The following DMBT1 variants were observed in gnomAD, a reference collection of about 807,000 sequenced individuals.
DMBT1 encodes deleted in malignant brain tumors 1, also known as scavenger receptor cysteine-rich domain-containing protein DMBT1.
Under a neutral mutation model 252.9 loss-of-function variants are expected in DMBT1, and 198 were observed. That is an observed-to-expected ratio of 0.78 (90% CI 0.70 to 0.88). The LOEUF is 0.88. Ranked by LOEUF, DMBT1 falls within the 40% of genes least tolerant of loss-of-function variation. DMBT1 has a pLI of 0.00. For missense variants in DMBT1, 2,432 were observed against 2,404.7 expected (o/e 1.01, Z -0.24); for synonymous variants, 990 against 942.7 (o/e 1.05, Z -0.92).
At position 122,589,187 on chromosome 10, in the gene DMBT1, C is replaced by T. The variant is rs202084523; in HGVS notation, c.2027C>T (p.Ser676Phe). The T allele has an allele frequency of 9.4e-4, 1,486 of 1,588,394 alleles. 218 individuals carry two copies. Among genetic ancestry groups the T allele is most frequent in the South Asian group, 9.2e-3 (801 of 86,904 alleles). Residue 676 changes from serine to phenylalanine, a missense_variant, in exon 17 of 56, where the codon TCC becomes TTC. Around this residue, in one of 3 missense-constraint regions of DMBT1, gnomAD observed 1,264 missense variants for 1,082.2 expected, o/e 1.17. Transcript: ENST00000338354. ...LDDVRCSGHESYLWSCPNNGW... is the reference protein window; with the variant it reads ...LDDVRCSGHEFYLWSCPNNGW... ...GATGTGCGCTGCTCAGGACATGAGT[C>T]CTACCTGTGGAGCTGCCCCAACAAT...
Position 122,588,243 on chromosome 10 carries a change from G to A in DMBT1, c.1784-701G>A, listed in dbSNP as rs1263550028. Among the ~76,000 whole-genome samples the A allele has an allele frequency of 6.8e-5, 10 of 147,988 alleles. 2 individuals carry two copies. On this transcript the variant is annotated intron_variant, in intron 16 of 55. Transcript: ENST00000338354. ...TTTTTTCTGAAAATGAGAGGATGAG[G>A]GTCAGGGTGGGTCCCTGTCTTTTTC...
At chr10:122,642,521 A>T (rs1844746676) in intron 55 of DMBT1, among the ~76,000 whole-genome samples, 1 of 152,162 alleles carries the variant, frequency 6.6e-6, no homozygotes, top group Non-Finnish European at 1.5e-5. Context: ...GAGGTGCCCC[A>T]GGGAATGAGG....
chr10:122,592,138 G>T, intron 19 of DMBT1, 134 bp from the exon 20 acceptor site: 3 of 1,391,268 alleles, frequency 2.2e-6, no homozygotes, highest in South Asian at 1.4e-5. Context: ...CTGAACCTCT[G>T]GTTGCAGTCG....
intron 41 of DMBT1, among the ~76,000 whole-genome samples, chr10:122,618,681 G>C (rs9732178): frequency 0.021 from 3,146 of 152,316 alleles, 91 homozygotes; most frequent in African/African-American, 0.056. Flanking sequence ...ACACAGCACA[G>C]ATAGCAGGGG....
intron 1 of DMBT1, among the ~76,000 whole-genome samples, chr10:122,561,334 G>A (rs2097543802): frequency 6.6e-6 from 1 of 152,204 alleles, no homozygotes; most frequent in South Asian, 2.1e-4. Flanking sequence ...AGATCATTAA[G>A]ATTCCAAGTT....
intron 48 of DMBT1, 150 bp downstream of exon 48, chr10:122,630,640 C>T (rs895619432): frequency 4.0e-5 from 38 of 943,054 alleles, no homozygotes; most frequent in Non-Finnish European, 5.3e-5. Context: ...TGTGGGCAGG[C>T]CCTTGGGAAG....
In DMBT1 at chr10:122,618,345, GC is replaced by G; in HGVS notation, c.5215+6del. The G allele has an allele frequency of 6.2e-7, 1 of 1,613,860 alleles. No homozygotes were observed. Among genetic ancestry groups the G allele is most frequent in the Non-Finnish European group, 8.5e-7 (1 of 1,179,772 alleles). ...ATGCTGGTGTCATCTGCTCAGGTGG[GC>G]TTTCAAGACCTTGGGCTCCCTCTCT... On this transcript the variant is annotated splice_donor_region_variant and intron_variant, in intron 41 of 55. Coordinates refer to ENST00000338354, the MANE Select transcript of DMBT1 (RefSeq NM_001377530.1).
chr10:122,576,471 A>T lies in DMBT1; in HGVS notation c.356A>T (p.Tyr119Phe). 6.2e-7 allele frequency: 1 copy of T among 1,613,970 alleles called. No homozygotes were observed. The highest frequency in any genetic ancestry group is 1.7e-4 in the Middle Eastern group (1 of 6,060). Residue 119 changes from tyrosine to phenylalanine, a missense_variant, in exon 7 of 56, where the codon TAC becomes TTC. This residue lies in a region of DMBT1 where 1,264 missense variants were observed against 1,082.2 expected (regional missense o/e 1.17). Coordinates refer to ENST00000338354, the MANE Select transcript of DMBT1 (RefSeq NM_001377530.1). ...TGTCAGGGCCGAGTGGAGATCCTAT[A>T]CCGAGGCTCCTGGGGCACCGTGTGT... is the stretch of plus-strand genomic sequence containing the variant. ...GRCQGRVEILYRGSWGTVCDD... is the reference protein window; with the variant it reads ...GRCQGRVEILFRGSWGTVCDD...
At chr10:122,620,040 C>T (rs77713747) in intron 42 of DMBT1, among the ~76,000 whole-genome samples, 9,195 of 152,252 alleles carry the variant, frequency 0.06, 310 homozygotes, top group South Asian at 0.13. Flanking sequence ...GGACATCTCA[C>T]ACTTCAGAGG....
At chr10:122,643,056 TA>T (rs776321383) in intron 55 of DMBT1, 65 bp from the exon 56 acceptor site, 6 of 1,576,254 alleles carry the variant, frequency 3.8e-6, no homozygotes, top group Non-Finnish European at 5.2e-6. Flanking sequence ...CCTCACCTGG[TA>T]CAACTGAGTC....
In DMBT1 at chr10:122,643,333, G is replaced by A. The variant is rs751557529; in HGVS notation, c.7564G>A (p.Val2522Met). 2 of 1,613,888 alleles carry A rather than the reference G, an allele frequency of 1.2e-6. No individual in the cohort carries two copies. The highest frequency in any genetic ancestry group is 1.7e-5 in the Admixed American group (1 of 60,014). ...GGATGTGGGCTCCTACCAGGAAAAG[G>A]TGGACGTCGTCCTGGGTCCCATCCA... ...KRDVGSYQEK[V>M]DVVLGPIQLQ... Residue 2522 changes from valine to methionine, a missense_variant, in exon 56 of 56, where the codon GTG (valine) becomes ATG (methionine). Around this residue, in one of 3 missense-constraint regions of DMBT1, gnomAD observed 1,162 missense variants for 1,169.0 expected, o/e 0.99. Transcript: ENST00000338354.
chr10:122,637,521 A>G (rs1323246650), intron 54 of DMBT1, among the ~76,000 whole-genome samples: 7 of 152,246 alleles, frequency 4.6e-5, no homozygotes, highest in Admixed American at 3.9e-4. Context: ...CAGAAAGAGT[A>G]TCTCCAGCTG....
chr10:122,579,298 C>T (rs781736557), intron 9 of DMBT1, among the ~76,000 whole-genome samples: 20 of 152,166 alleles, frequency 1.3e-4, no homozygotes, highest in Non-Finnish European at 2.5e-4. Context: ...AGCTGAGCAG[C>T]TCCATCCTCT....
intron 9 of DMBT1, among the ~76,000 whole-genome samples, chr10:122,579,083 G>A (rs541536880): frequency 6.6e-6 from 1 of 152,250 alleles, no homozygotes; most frequent in Non-Finnish European, 1.5e-5. Context: ...TGATATTGGA[G>A]GGTGGAGGGT....
chr10:122,589,510 G>A (rs1040566711), intron 17 of DMBT1, among the ~76,000 whole-genome samples: 4 of 148,196 alleles, frequency 2.7e-5, no homozygotes, highest in Admixed American at 6.7e-5. Context: ...CCAAGGCAGC[G>A]CAAGCAGAGG....
At chr10:122,631,926 T>C in intron 50 of DMBT1, 51 bp downstream of exon 50, 3 of 1,592,216 alleles carry the variant, frequency 1.9e-6, no homozygotes, top group African/African-American at 1.3e-5. Context: ...GGTCTCTCCA[T>C]TACTGCTGCC....
intron 43 of DMBT1, 108 bp from the exon 44 acceptor site, chr10:122,620,948 AC>A: frequency 6.4e-7 from 1 of 1,552,698 alleles, no homozygotes; most frequent in Non-Finnish European, 8.7e-7. Flanking sequence ...AAAGGTGATT[AC>A]CTGCACACGT....
chr10:122,635,103 T>C (rs1466490996), intron 52 of DMBT1, among the ~76,000 whole-genome samples: 3 of 152,226 alleles, frequency 2.0e-5, no homozygotes, highest in African/African-American at 7.2e-5. Flanking sequence ...GACTGGTTCT[T>C]TAACCAGCAT....
chr10:122,619,239 A>G, intron 41 of DMBT1, 69 bp from the exon 42 acceptor site: 1 of 1,581,864 alleles, frequency 6.3e-7, no homozygotes, highest in Non-Finnish European at 8.7e-7. Flanking sequence ...AGTTCCTTCT[A>G]TCTTTGTTCC....
Sources: gnomAD v4.1 joint callset for allele counts (sites outside exome capture counted in the v4.1 genomes callset) on GRCh38, gnomAD v4.1.1 for gene constraint, gnomAD v4.1.1 regional missense constraint, MANE v1.5 for transcripts, NCBI Gene and HGNC (gene_info 2026-07-23, HGNC 2026-07-21) for gene names.